The following EEF2K variants were observed in gnomAD, a reference collection of about 807,000 sequenced individuals.
EEF2K encodes the protein eukaryotic elongation factor 2 kinase, also known as alternative protein EEF2K.
A neutral mutation model predicts 93.8 loss-of-function variants in EEF2K; 70 were observed. The ratio of observed to expected loss-of-function variants is 0.75; its 90% CI spans 0.62 to 0.91. The LOEUF is 0.91. EEF2K is among the 40% of genes least tolerant of loss of function. The pLI is 0.00. For synonymous variants in EEF2K, 376 were observed against 380.8 expected, an observed-to-expected ratio of 0.99 and a Z score of 0.15; for missense variants, 935 against 972.9, an observed-to-expected ratio of 0.96 and a Z score of 0.52.
chr16:22,254,192 G>T (rs1236875503), intron 6 of EEF2K, among the ~76,000 whole-genome samples: 2 of 152,160 alleles, frequency 1.3e-5, no homozygotes, highest in South Asian at 2.1e-4. Context: ...GGTTGTTTGA[G>T]AAGGTGCTGG....
intron 2 of EEF2K, among the ~76,000 whole-genome samples, chr16:22,233,915 C>A (rs889263692): frequency 6.6e-6 from 1 of 152,128 alleles, no homozygotes; most frequent in South Asian, 2.1e-4. Flanking sequence ...CCATGCCCAG[C>A]CTGTTGTTGG....
At chr16:22,258,239 G>C (rs2047426549) in intron 9 of EEF2K, among the ~76,000 whole-genome samples, 1 of 152,154 alleles carries the variant, frequency 6.6e-6, no homozygotes, top group African/African-American at 2.4e-5. Context: ...CCAGCTCTGG[G>C]CTGTGGAATG....
intron 1 of EEF2K, among the ~76,000 whole-genome samples, chr16:22,218,510 C>T (rs2046980953): frequency 6.6e-6 from 1 of 152,174 alleles, no homozygotes; most frequent in African/African-American, 2.4e-5. Flanking sequence ...TTGACCTGAG[C>T]ATTGCAGGCA....
chr16:22,239,362 G>A (rs750677821), intron 2 of EEF2K, among the ~76,000 whole-genome samples: 4 of 152,164 alleles, frequency 2.6e-5, no homozygotes, highest in Non-Finnish European at 4.4e-5. Flanking sequence ...AGAGAATTGT[G>A]TGTCGTAGAC....
intron 9 of EEF2K, among the ~76,000 whole-genome samples, 155 bp from the exon 10 acceptor site, chr16:22,258,339 A>AT (rs1187443048): frequency 1.3e-5 from 2 of 151,722 alleles, no homozygotes; most frequent in Admixed American, 6.6e-5. Context: ...TCCCTGACTG[A>AT]TTTTTTATTT....
Position 22,206,313 on chromosome 16 carries a change from T to A in EEF2K, c.-443T>A, listed in dbSNP as rs1275493640. Reference sequence around the variant, plus strand: ...GACCAGCCCCAGCTTCAGCCTCAGCTCCCCTCCTTCCTGGATCGAGCGCCC... The same window carrying A: ...GACCAGCCCCAGCTTCAGCCTCAGCACCCCTCCTTCCTGGATCGAGCGCCC... On this transcript the variant is annotated 5_prime_UTR_variant, in exon 1 of 18. Transcript: ENST00000263026. 2 of 146,648 alleles carry A rather than the reference T, an allele frequency of 1.4e-5. No individual in the cohort carries two copies. The highest frequency in any genetic ancestry group is 5.1e-5 in the African/African-American group (2 of 38,986). 9.1% of individuals were successfully genotyped at this position (146,648 alleles called of 1,614,324 possible). A position where few individuals can be genotyped will look rare whatever the true frequency, so the allele number is the denominator to read the frequency against.
intron 16 of EEF2K, among the ~76,000 whole-genome samples, chr16:22,278,171 C>T (rs1191099006): frequency 6.6e-6 from 1 of 152,136 alleles, no homozygotes; most frequent in East Asian, 1.9e-4. Flanking sequence ...TGTGCCACTG[C>T]ACTCCTGCCT....
intron 2 of EEF2K, among the ~76,000 whole-genome samples, chr16:22,230,535 T>C (rs896404345): frequency 7.9e-5 from 12 of 151,864 alleles, no homozygotes; most frequent in Admixed American, 6.6e-4. Context: ...TTTTCTTTTT[T>C]CTTAGAGACA....
chr16:22,251,388 G>A (rs1191432779), intron 6 of EEF2K, 66 bp downstream of exon 6: 2 of 1,548,808 alleles, frequency 1.3e-6, no homozygotes, highest in African/African-American at 1.4e-5. Context: ...CTGGGAAAGA[G>A]GGCCATGGTG....
Position 22,280,440 on chromosome 16 carries a change from A to G in EEF2K, c.2068+64A>G, listed in dbSNP as rs1598210213. 2.2e-6 allele frequency: 3 copies of G among 1,356,996 alleles called. No individual in the cohort carries two copies. In the East Asian group the frequency reaches 8.4e-5, roughly 38 times the overall value. The allele number at this position is 1,356,996 out of a possible 1,614,324, so 84.1% of individuals were successfully genotyped here. On this transcript the variant is annotated intron_variant, in intron 17 of 17. Coordinates refer to ENST00000263026, the MANE Select transcript of EEF2K (RefSeq NM_013302.5). ...CTGGGCAGGGAGGAACCTAATTTCC[A>G]TTCCACTGGGAGTTATTTATGACAA... is the stretch of plus-strand genomic sequence containing the variant.
At chr16:22,273,359 G>C (rs1469425037) in intron 15 of EEF2K, among the ~76,000 whole-genome samples, 3 of 152,164 alleles carry the variant, frequency 2.0e-5, no homozygotes, top group Non-Finnish European at 4.4e-5. Context: ...GTGTTGCCCT[G>C]ACAATGGTAA....
intron 4 of EEF2K, among the ~76,000 whole-genome samples, chr16:22,250,208 G>A (rs1262864598): frequency 6.6e-6 from 1 of 152,150 alleles, no homozygotes; most frequent in African/African-American, 2.4e-5. Flanking sequence ...GCTGCTCCTG[G>A]TGCTGCAGGT....
intron 2 of EEF2K, among the ~76,000 whole-genome samples, chr16:22,231,890 T>A (rs1416309987): frequency 1.3e-5 from 2 of 150,120 alleles, no homozygotes; most frequent in Non-Finnish European, 2.9e-5. Context: ...CTCAGGAGGC[T>A]GAGCCAGGAG....
intron 2 of EEF2K, among the ~76,000 whole-genome samples, chr16:22,242,694 A>G (rs2141663696): frequency 6.6e-6 from 1 of 152,174 alleles, no homozygotes; most frequent in Middle Eastern, 3.4e-3. Context: ...GCATAGAGTT[A>G]GGGAAGGCCG....
chr16:22,243,154 T>G (rs950301445), intron 2 of EEF2K, among the ~76,000 whole-genome samples: 2 of 151,962 alleles, frequency 1.3e-5, no homozygotes, highest in Admixed American at 1.3e-4. Flanking sequence ...GAATTTCACA[T>G]AGGGCAGTAA....
chr16:22,271,946 C>T (rs1011880434), intron 15 of EEF2K, among the ~76,000 whole-genome samples: 1 of 152,176 alleles, frequency 6.6e-6, no homozygotes, highest in Non-Finnish European at 1.5e-5. Flanking sequence ...TGTGAGCGAC[C>T]TCCTTCCTGA....
At chr16:22,212,590 G>T (rs1265573531) in intron 1 of EEF2K, among the ~76,000 whole-genome samples, 1 of 152,076 alleles carries the variant, frequency 6.6e-6, no homozygotes, top group Non-Finnish European at 1.5e-5. Context: ...AAAGTGCTGG[G>T]ATTACAGTCG....
At chr16:22,233,534 A>C (rs2047137022) in intron 2 of EEF2K, among the ~76,000 whole-genome samples, 1 of 151,674 alleles carries the variant, frequency 6.6e-6, no homozygotes, top group South Asian at 2.1e-4. Flanking sequence ...CAAAAAAAAA[A>C]AAAATAGCCG....
chr16:22,266,786 A>G lies in EEF2K; in HGVS notation c.1674A>G (p.Ala558=). ...QESAVFHLEH[A]ANLGELEAIV... ...CGGCTGTCTTCCACCTGGAGCACGCAGCCAACCTGGGCGAGCTGGAGGCCA... is the reference window on the plus strand; with the variant it reads ...CGGCTGTCTTCCACCTGGAGCACGCGGCCAACCTGGGCGAGCTGGAGGCCA... Residue 558 remains alanine, a synonymous_variant, in exon 15 of 18, where the codon GCA becomes GCG. Coordinates refer to ENST00000263026, the MANE Select transcript of EEF2K (RefSeq NM_013302.5). The G allele has an allele frequency of 1.2e-6, 2 of 1,614,212 alleles. No individual in the cohort carries two copies. Among genetic ancestry groups the G allele is most frequent in the Non-Finnish European group, 1.7e-6 (2 of 1,180,032 alleles).
Sources: allele counts gnomAD v4.1 joint callset (sites outside exome capture counted in the v4.1 genomes callset), GRCh38; gene constraint gnomAD v4.1.1; transcripts MANE v1.5; gene names NCBI Gene and HGNC (gene_info 2026-07-23, HGNC 2026-07-21).